Variants in ANAPC5 observed in about 807,000 individuals in gnomAD.
ANAPC5 encodes anaphase-promoting complex subunit 5.
A neutral mutation model predicts 91.3 loss-of-function variants in ANAPC5; 60 were observed. The ratio of observed to expected loss-of-function variants is 0.66; its 90% confidence interval spans 0.53 to 0.81. The LOEUF is 0.81. Ranked by LOEUF, ANAPC5 falls within the 40% of genes least tolerant of loss-of-function variation. The pLI is 0.00. For synonymous variants in ANAPC5, 340 were observed against 364.1 expected (o/e 0.93, Z 0.75); for missense variants, 690 against 931.5 (o/e 0.74, Z 3.37).
intron 7 of ANAPC5, chr12:121,332,964 A>G (rs1490541200): frequency 6.6e-6 from 1 of 152,186 alleles, no homozygotes; most frequent in African/African-American, 2.4e-5. Context: ...CCTGGGCAAC[A>G]TAGCAAAACC....
chr12:121,346,144 A>C, intron 3 of ANAPC5, 113 bp from the exon 4 acceptor site: 1 of 836,646 alleles, frequency 1.2e-6, no homozygotes, highest in South Asian at 1.9e-5. Context: ...CAGAAGAGTA[A>C]GAAAGAGACA....
At chr12:121,322,185 G>T (rs542848289) in intron 11 of ANAPC5, among the ~76,000 whole-genome samples, 5 of 145,726 alleles carry the variant, frequency 3.4e-5, no homozygotes, top group Non-Finnish European at 6.0e-5. Flanking sequence ...TTGAGAGGGA[G>T]TCTCACTGTG....
chr12:121,326,989 G>A (rs2136780713), intron 11 of ANAPC5, 107 bp downstream of exon 11: 5 of 1,398,754 alleles, frequency 3.6e-6, no homozygotes, highest in South Asian at 3.1e-5. Flanking sequence ...CCACAGTGTC[G>A]AGCAGAACTG....
Position 121,308,283 on chromosome 12 carries a change from G to A in ANAPC5, c.*197C>T. On this transcript the variant is annotated 3_prime_UTR_variant, in exon 17 of 17. Transcript: ENST00000261819. ...ACCCATTTATTAAGAAAAAGTTGGTGTCCTTTGCTACCAAAAGGGAAGAAA... is the reference window on the plus strand; with the variant it reads ...ACCCATTTATTAAGAAAAAGTTGGTATCCTTTGCTACCAAAAGGGAAGAAA... The A allele has an allele frequency of 7.1e-6, 4 of 560,262 alleles. No individual in the cohort carries two copies. Among genetic ancestry groups the A allele is most frequent in the Non-Finnish European group, 1.3e-5 (4 of 314,816 alleles). 34.7% of individuals were successfully genotyped at this position (560,262 alleles called of 1,614,324 possible).
intron 9 of ANAPC5, among the ~76,000 whole-genome samples, chr12:121,329,465 A>C (rs77543176): frequency 0.021 from 3,172 of 151,528 alleles, 117 homozygotes; most frequent in East Asian, 0.14. Context: ...TTTAAAGTGT[A>C]TACATTAAAT....
Position 121,308,357 on chromosome 12 carries a change from T to C in ANAPC5, c.*123A>G. 4.0e-6 allele frequency: 3 copies of C among 757,770 alleles called. No homozygotes were observed. The highest frequency in any genetic ancestry group is 6.4e-6 in the Non-Finnish European group (3 of 469,320). The allele number at this position is 757,770 out of a possible 1,614,324, so 46.9% of individuals were successfully genotyped here. ...TTACTAGCAACAAAATAAGACAAAC[T>C]AATCAGAATGCTGTTTATTGACAAG... is the stretch of plus-strand genomic sequence containing the variant. On this transcript the variant is annotated 3_prime_UTR_variant, in exon 17 of 17. Transcript: ENST00000261819.
chr12:121,349,183 T>C (rs999176563), intron 1 of ANAPC5, among the ~76,000 whole-genome samples: 17 of 152,164 alleles, frequency 1.1e-4, no homozygotes, highest in Non-Finnish European at 2.9e-5. Flanking sequence ...AATTAACTAA[T>C]TTAAGAAATC....
chr12:121,346,106 C>T (rs1209723751), intron 3 of ANAPC5, 75 bp from the exon 4 acceptor site: 2 of 1,163,768 alleles, frequency 1.7e-6, no homozygotes, highest in Non-Finnish European at 2.4e-6. Flanking sequence ...TCCACAATGG[C>T]AATGACTGTC....
Position 121,337,297 on chromosome 12 carries a change from A to C in ANAPC5, c.753T>G (p.Ala251=), listed in dbSNP as rs782002849. The C allele has an allele frequency of 8.1e-6, 13 of 1,612,980 alleles. No homozygotes were observed. Among genetic ancestry groups the C allele is most frequent in the Non-Finnish European group, 1.0e-5 (12 of 1,179,148 alleles). ...AATTCTGGGAAAGACTTACCGCTTC[A>C]GCAAAATCAGGATTAAATTTCAACA... ...NNLLKFNPDF[A]EAHYLSYLNN... The change falls in exon 6 of 17, where the codon GCT becomes GCG. Residue 251 remains alanine (A), a synonymous_variant. Coordinates refer to ENST00000261819, the MANE Select transcript of ANAPC5 (RefSeq NM_016237.5).
At chr12:121,319,853 T>G (rs776920025) in intron 12 of ANAPC5, 35 bp from the exon 13 acceptor site, 8 of 1,575,660 alleles carry the variant, frequency 5.1e-6, no homozygotes, top group Non-Finnish European at 6.9e-6. Flanking sequence ...AAGTACAAAA[T>G]GGCGAATGTT....
At position 121,320,474 on chromosome 12, in the gene ANAPC5, C is replaced by T. The variant is rs756826058; in HGVS notation, c.1441-15G>A. 11 of 1,612,482 alleles carry T rather than the reference C, an allele frequency of 6.8e-6. No individual in the cohort carries two copies. The highest frequency in any genetic ancestry group is 9.3e-6 in the Non-Finnish European group (11 of 1,178,688). On this transcript the variant is annotated splice_polypyrimidine_tract_variant and intron_variant, in intron 11 of 16. Coordinates refer to ENST00000261819, the MANE Select transcript of ANAPC5 (RefSeq NM_016237.5). ...GCAAAACAGCCCTAAAGTAGAAACA[C>T]ACAATTTGATCAGCATAACCTGTGT...
Position 121,345,849 on chromosome 12 carries a change from C to T in ANAPC5, c.580G>A (p.Val194Ile). 1.9e-6 allele frequency: 3 copies of T among 1,613,024 alleles called. No individual in the cohort carries two copies. The highest frequency in any genetic ancestry group is 2.2e-5 in the East Asian group (1 of 44,868). ...GAAAAGCCAAATTACCTTACAGATA[C>T]ATCAAGTTCTTCTTTTTCCATTTTT... Reference protein sequence around the residue: ...ERKMEKEELDVSVREEEVSCS... With the variant: ...ERKMEKEELDISVREEEVSCS... Residue 194 changes from valine to isoleucine, a missense_variant, in exon 4 of 17, where the codon GTA becomes ATA. Val to Ile is a conservative substitution (Grantham distance 29). This residue lies in a region of ANAPC5 where 238 missense variants were observed against 264.9 expected (regional missense o/e 0.90). Transcript: ENST00000261819.
chr12:121,352,399 G>T lies in ANAPC5; in HGVS notation c.-59C>A. 1 of 1,374,142 alleles carries T rather than the reference G, an allele frequency of 7.3e-7. No individual in the cohort carries two copies. 85.1% of individuals were successfully genotyped at this position (1,374,142 alleles called of 1,614,324 possible). On this transcript the variant is annotated 5_prime_UTR_variant, in exon 1 of 17. Coordinates refer to ENST00000261819, the MANE Select transcript of ANAPC5 (RefSeq NM_016237.5). ...CGCTGCCGCCAGTTGTCACCACAAG[G>T]CACAACACTACCGGGTCTACATCTC...
intron 3 of ANAPC5, chr12:121,346,484 A>T: frequency 5.6e-6 from 1 of 177,226 alleles, no homozygotes; most frequent in Non-Finnish European, 1.2e-5. Flanking sequence ...AGAGCATGGG[A>T]TAAAGCTAAT....
At chr12:121,324,604 T>C (rs1352008835) in intron 11 of ANAPC5, among the ~76,000 whole-genome samples, 3 of 152,190 alleles carry the variant, frequency 2.0e-5, no homozygotes, top group South Asian at 2.1e-4. Flanking sequence ...GGCTAAAGAA[T>C]TGAGCCACAA....
chr12:121,331,289 C>T, intron 8 of ANAPC5, 58 bp downstream of exon 8: 3 of 1,464,986 alleles, frequency 2.0e-6, no homozygotes, highest in Non-Finnish European at 2.8e-6. Context: ...TCAACGGGGC[C>T]TTGTGAAGGC....
At chr12:121,330,990 G>A (rs1240435440) in intron 8 of ANAPC5, 3 of 400,528 alleles carry the variant, frequency 7.5e-6, no homozygotes, top group Non-Finnish European at 9.2e-6. Context: ...AGTAGCTTCT[G>A]TGTTCCACTG....
intron 11 of ANAPC5, among the ~76,000 whole-genome samples, chr12:121,322,814 G>C (rs952058384): frequency 2.0e-5 from 3 of 152,128 alleles, no homozygotes; most frequent in Non-Finnish European, 4.4e-5. Context: ...CTTGAGGCTA[G>C]AAGTTTGAGA....
chr12:121,309,124 G>A (rs1902057001), intron 16 of ANAPC5, among the ~76,000 whole-genome samples: 2 of 137,576 alleles, frequency 1.5e-5, no homozygotes, highest in Non-Finnish European at 3.1e-5. Context: ...ACTCCAGCCT[G>A]GGCGACAGAG....
Sources: gnomAD v4.1 joint callset for allele counts (sites outside exome capture counted in the v4.1 genomes callset) on GRCh38, gnomAD v4.1.1 for gene constraint, gnomAD v4.1.1 regional missense constraint, MANE v1.5 for transcripts, NCBI Gene and HGNC (gene_info 2026-07-23, HGNC 2026-07-21) for gene names.